C3orf22: variants seen among roughly 807,000 people sequenced by gnomAD.
The protein encoded by C3orf22 is chromosome 3 open reading frame 22, also known as uncharacterized protein C3orf22.
Under a neutral mutation model 10.8 loss-of-function variants are expected in C3orf22, and 7 were observed. The observed-to-expected ratio is 0.65, with a 90% confidence interval of 0.37 to 1.22. The LOEUF (loss-of-function observed/expected upper bound fraction) is 1.22, where lower values mean the gene tolerates loss of function less well. Ranked by LOEUF, C3orf22 falls within the 50% of genes most tolerant of loss-of-function variation. The pLI is 0.02. For missense variants in C3orf22, 173 were observed against 177.0 expected (o/e 0.98, Z 0.13); for synonymous variants, 79 against 78.9 (o/e 1.00, Z 0.00).
Position 126,529,464 on chromosome 3 carries a change from G to A in C3orf22, c.287-92C>T, listed in dbSNP as rs146010218. The stretch of plus-strand genomic sequence containing the variant: ...TGTTAAGGGTGCAGATGCTGGCACC[G>A]GTGGCCTGGGGTCAAATTCTGTTTC... On this transcript the variant is annotated intron_variant and NMD_transcript_variant, in intron 4 of 5. Transcript: ENST00000505070. The A allele has an allele frequency of 1.2e-3, 1,393 of 1,120,024 alleles. 7 individuals carry two copies. In the African/African-American group the frequency reaches 0.015, roughly 12 times the overall value. 69.4% of individuals were successfully genotyped at this position (1,120,024 alleles called of 1,614,324 possible). A position where few individuals can be genotyped will look rare whatever the true frequency, so the allele number is the denominator to read the frequency against.
downstream of C3orf22, among the ~76,000 whole-genome samples, chr3:126,548,914 T>G (rs2107578209): frequency 6.6e-6 from 1 of 152,244 alleles, no homozygotes; most frequent in South Asian, 2.1e-4. Flanking sequence ...CACATCCCAC[T>G]CCAGGGAGAA....
chr3:126,530,467 C>A lies in C3orf22; in HGVS notation c.287-1095G>T, dbSNP rs116054086. On this transcript the variant is annotated intron_variant and NMD_transcript_variant, in intron 4 of 5. Transcript: ENST00000505070. ...TTCTCAGTCACTGCAACTGCCCCTC[C>A]ACCCCCTGCCCACAGAACACAGGCT... Among the ~76,000 whole-genome samples the A allele has an allele frequency of 5.7e-3, 863 of 152,312 alleles. 9 individuals carry two copies. The highest frequency in any genetic ancestry group is 0.019 in the African/African-American group (784 of 41,580).
chr3:126,542,343 T>G (rs769922797), intron 4 of C3orf22: 1 of 1,566,492 alleles, frequency 6.4e-7, no homozygotes, highest in Admixed American at 1.8e-5. Flanking sequence ...TACGACGTCG[T>G]GGGCAAGTTC....
intron 4 of C3orf22, among the ~76,000 whole-genome samples, chr3:126,532,707 C>T (rs2107565035): frequency 6.6e-6 from 1 of 152,344 alleles, no homozygotes; most frequent in South Asian, 2.1e-4. Flanking sequence ...AATGTGAATC[C>T]TCTAACTTTG....
chr3:126,550,246 G>A (rs1251877969), intron 3 of C3orf22, 168 bp from the exon 4 acceptor site: 1 of 271,910 alleles, frequency 3.7e-6, no homozygotes, highest in Non-Finnish European at 5.6e-6. Context: ...GCCACCTGAT[G>A]TCCCAGGAAG....
At chr3:126,534,334 T>C (rs1936717650) in intron 4 of C3orf22, among the ~76,000 whole-genome samples, 4 of 152,260 alleles carry the variant, frequency 2.6e-5, no homozygotes, top group Admixed American at 2.0e-4. Flanking sequence ...AATACATTTA[T>C]AGGTAAACGG....
Position 126,557,664 on chromosome 3 carries a change from C to T in C3orf22, c.-41+963G>A, listed in dbSNP as rs114300807. ...GCCTGTCTGTGAGCCAGAACACACC[C>T]GCTCACCCACCGCCTCCGTGCCCCA... On this transcript the variant is annotated intron_variant, in intron 1 of 3. Coordinates refer to ENST00000318225, the MANE Select transcript of C3orf22 (RefSeq NM_152533.3). 5.0e-3 allele frequency among the ~76,000 whole-genome samples: 767 copies of T among 152,302 alleles called. 10 individuals are homozygous for T. The highest frequency in any genetic ancestry group is 0.017 in the African/African-American group (722 of 41,570).
At chr3:126,539,296 T>G (rs558987341) in intron 4 of C3orf22, among the ~76,000 whole-genome samples, 1 of 152,196 alleles carries the variant, frequency 6.6e-6, no homozygotes, top group East Asian at 1.9e-4. Flanking sequence ...TGAAACGTTT[T>G]TTATTTCTTT....
intron 4 of C3orf22, among the ~76,000 whole-genome samples, chr3:126,529,577 A>G (rs1260705739): frequency 6.6e-6 from 1 of 152,218 alleles, no homozygotes; most frequent in Non-Finnish European, 1.5e-5. Context: ...TAGTTTCTAC[A>G]TGAGAGGGGT....
chr3:126,557,792 C>G lies in C3orf22; in HGVS notation c.-41+835G>C, dbSNP rs563956054. On this transcript the variant is annotated intron_variant, in intron 1 of 3. Coordinates refer to ENST00000318225, the MANE Select transcript of C3orf22 (RefSeq NM_152533.3). ...GTCCCTTGCCCGCACCAAGAAGTCC[C>G]TGGGCCCTGAAGGGCAGGCTTCCCC... 5.3e-5 allele frequency among the ~76,000 whole-genome samples: 8 copies of G among 152,378 alleles called. No homozygotes were observed. In the East Asian group the frequency reaches 1.4e-3, roughly 26 times the overall value.
At chr3:126,532,808 G>A (rs1359189559) in intron 4 of C3orf22, among the ~76,000 whole-genome samples, 1 of 152,230 alleles carries the variant, frequency 6.6e-6, no homozygotes, top group Admixed American at 6.5e-5. Flanking sequence ...GAAAAAGGCA[G>A]CTGGGATTTT....
chr3:126,542,087 C>T, intron 4 of C3orf22: 7 of 1,583,856 alleles, frequency 4.4e-6, no homozygotes, highest in Middle Eastern at 1.7e-4. Flanking sequence ...GCCCTTCGAG[C>T]GCCTGGCATC....
chr3:126,539,988 GAC>G (rs368474448), intron 4 of C3orf22, among the ~76,000 whole-genome samples: 10 of 72,892 alleles, frequency 1.4e-4, no homozygotes, highest in South Asian at 4.9e-4. Context: ...ACACACGCAT[GAC>G]ACACACACAC....
At chr3:126,557,788 G>A (rs2107587981) in intron 1 of C3orf22, among the ~76,000 whole-genome samples, 1 of 152,354 alleles carries the variant, frequency 6.6e-6, no homozygotes, top group Non-Finnish European at 1.5e-5. Flanking sequence ...GCACCAAGAA[G>A]TCCCTGGGCC....
chr3:126,530,766 G>T (rs991818726), intron 4 of C3orf22, among the ~76,000 whole-genome samples: 4 of 152,266 alleles, frequency 2.6e-5, no homozygotes, highest in African/African-American at 9.6e-5. Flanking sequence ...ATGTCCGGCA[G>T]TTCAGATCTC....
chr3:126,528,121 G>A (rs1006037259), intron 5 of C3orf22, among the ~76,000 whole-genome samples: 2 of 151,584 alleles, frequency 1.3e-5, no homozygotes, highest in East Asian at 3.9e-4. Context: ...GGCCTGGGGT[G>A]TGAATGGATG....
intron 4 of C3orf22, among the ~76,000 whole-genome samples, chr3:126,541,427 C>T (rs1406233244): frequency 6.6e-6 from 1 of 152,200 alleles, no homozygotes; most frequent in African/African-American, 2.4e-5. Flanking sequence ...CGTACTCACA[C>T]GGAGCGCACT....
intron 4 of C3orf22, chr3:126,543,302 T>C (rs1427423006): frequency 6.6e-6 from 1 of 152,170 alleles, no homozygotes; most frequent in African/African-American, 2.4e-5. Flanking sequence ...TTTTTTGGAG[T>C]TTATCTGCTT....
chr3:126,529,741 T>TC (rs1936611086), intron 4 of C3orf22, among the ~76,000 whole-genome samples: 1 of 152,148 alleles, frequency 6.6e-6, no homozygotes, highest in Admixed American at 6.5e-5. Flanking sequence ...TTTTTGGCAC[T>TC]CCTCCCATCC....
Sources: allele counts gnomAD v4.1 joint callset (sites outside exome capture counted in the v4.1 genomes callset), GRCh38; gene constraint gnomAD v4.1.1; transcripts MANE v1.5; gene names NCBI Gene and HGNC (gene_info 2026-07-23, HGNC 2026-07-21).